KPNB1: variants seen among roughly 807,000 people sequenced by gnomAD.
The protein encoded by KPNB1 is karyopherin subunit beta 1, also known as importin subunit beta-1.
Under a neutral mutation model 113.0 loss-of-function variants are expected in KPNB1, and 7 were observed. That is an observed-to-expected ratio of 0.06 (90% CI 0.04 to 0.12). The LOEUF (loss-of-function observed/expected upper bound fraction) is 0.12, where lower values mean the gene tolerates loss of function less well. Ranked by LOEUF, KPNB1 falls within the 10% of genes least tolerant of loss-of-function variation. KPNB1 has a pLI of 1.00. For missense variants in KPNB1, 400 were observed against 1,054.8 expected, an observed-to-expected ratio of 0.38 and a Z score of 8.60; for synonymous variants, 363 against 378.6, an observed-to-expected ratio of 0.96 and a Z score of 0.48.
intron 2 of KPNB1, among the ~76,000 whole-genome samples, chr17:47,652,376 C>T (rs1031789332): frequency 6.6e-6 from 1 of 152,192 alleles, no homozygotes; most frequent in African/African-American, 2.4e-5. Context: ...TACTACCATA[C>T]TCTGAAACCT....
At chr17:47,672,890 G>A in intron 12 of KPNB1, 128 bp from the exon 13 acceptor site, 2 of 741,472 alleles carry the variant, frequency 2.7e-6, no homozygotes, top group Non-Finnish European at 4.2e-6. Context: ...TGGATATTGT[G>A]TTTTCAAACT....
rs2030861937 is a variant in KPNB1, at chr17:47,683,597, T to A, written c.*1193T>A. On this transcript the variant is annotated 3_prime_UTR_variant, in exon 22 of 22. Coordinates refer to ENST00000290158, the MANE Select transcript of KPNB1 (RefSeq NM_002265.6). ...ATTTTGGATTGCAAACAGGATAAAT[T>A]AAATGTTCAAACAATCTGATAAAAT... 6.6e-6 allele frequency: 1 copy of A among 152,272 alleles called. No homozygotes were observed. The highest frequency in any genetic ancestry group is 1.5e-5 in the Non-Finnish European group (1 of 67,954). The allele number at this position is 152,272 out of a possible 1,614,324, so 9.4% of individuals were successfully genotyped here.
Position 47,661,064 on chromosome 17 carries a change from T to C in KPNB1, c.637-55T>C, listed in dbSNP as rs149818432. Reference sequence around the variant, plus strand: ...TCCTTGTAGAGGGAGTCTGGAAATCTTCCTACGTACAGGTTATGCTCTCCT... The same window carrying C: ...TCCTTGTAGAGGGAGTCTGGAAATCCTCCTACGTACAGGTTATGCTCTCCT... On this transcript the variant is annotated intron_variant, in intron 5 of 21. Transcript: ENST00000290158. 2.3e-4 allele frequency: 323 copies of C among 1,412,980 alleles called. No individual in the cohort carries two copies. The East Asian group carries it at 6.6e-3, about 29-fold the overall frequency. 87.5% of individuals were successfully genotyped at this position (1,412,980 alleles called of 1,614,324 possible). A position where few individuals can be genotyped will look rare whatever the true frequency, so the allele number is the denominator to read the frequency against.
At chr17:47,667,418 C>T (rs1443227368) in intron 9 of KPNB1, among the ~76,000 whole-genome samples, 1 of 151,876 alleles carries the variant, frequency 6.6e-6, no homozygotes, top group Non-Finnish European at 1.5e-5. Context: ...TGAGCCACTG[C>T]ACTGCACCTT....
intron 6 of KPNB1, among the ~76,000 whole-genome samples, chr17:47,662,870 C>CG (rs1390179894): frequency 6.6e-6 from 1 of 151,592 alleles, no homozygotes; most frequent in African/African-American, 2.4e-5. Context: ...GCAACAGGAG[C>CG]GGAACTCTGT....
intron 15 of KPNB1, among the ~76,000 whole-genome samples, chr17:47,675,361 G>GTGTTT (rs2030566872): frequency 2.3e-5 from 2 of 88,692 alleles, no homozygotes; most frequent in Non-Finnish European, 4.6e-5. Context: ...CAGAGGTGTT[G>GTGTTT]TTTTTTTTTT....
At chr17:47,675,791 C>G (rs988835258) in intron 15 of KPNB1, among the ~76,000 whole-genome samples, 1 of 152,056 alleles carries the variant, frequency 6.6e-6, no homozygotes, top group South Asian at 2.1e-4. Context: ...TCAGGGGTGG[C>G]CTGTAAGTAC....
chr17:47,652,637 C>G, intron 2 of KPNB1, 57 bp from the exon 3 acceptor site: 1 of 1,391,790 alleles, frequency 7.2e-7, no homozygotes, highest in Non-Finnish European at 9.6e-7. Context: ...ATAAATTATC[C>G]TCAGTTGTGG....
chr17:47,649,937 TCTCA>T lies in KPNB1; in HGVS notation c.-302_-299del, dbSNP rs1915475310. ...CCTCGCTCCCTCCCTGCGCGCCGCC[TCTCA>T]CTCACAGCCTCCCTTCCTTCTTTCT... On this transcript the variant is annotated 5_prime_UTR_variant, in exon 1 of 22. Transcript: ENST00000290158. 4 of 1,282,920 alleles carry T rather than the reference TCTCA, an allele frequency of 3.1e-6. No individual in the cohort carries two copies. The highest frequency in any genetic ancestry group is 2.0e-6 in the Non-Finnish European group (2 of 1,016,270). The allele number at this position is 1,282,920 out of a possible 1,614,324, so 79.5% of individuals were successfully genotyped here. A position where few individuals can be genotyped will look rare whatever the true frequency, so the allele number is the denominator to read the frequency against.
intron 7 of KPNB1, 142 bp downstream of exon 7, chr17:47,663,320 C>T (rs1466447465): frequency 2.2e-5 from 13 of 584,630 alleles, no homozygotes; most frequent in Middle Eastern, 4.0e-4. Context: ...GGTTTAAGCT[C>T]ATCAGTGGTG....
chr17:47,663,024 T>G (rs918011786), intron 6 of KPNB1, 65 bp from the exon 7 acceptor site: 2 of 855,106 alleles, frequency 2.3e-6, no homozygotes, highest in Non-Finnish European at 4.1e-6. Context: ...CCCATTTGAG[T>G]GAATCTAACT....
rs199518298 is a variant in KPNB1 at position 47,657,054 on chromosome 17, A to G, written c.477A>G (p.Gln159=). Reference sequence around the variant, plus strand: ...TGGAAGCCATCGGTTATATTTGCCAAGATATAGTAAGTGCTTGCCTAATGT... The same window carrying G: ...TGGAAGCCATCGGTTATATTTGCCAGGATATAGTAAGTGCTTGCCTAATGT... The part of the protein sequence containing the change: ...STLEAIGYIC[Q]DIDPEQLQDK... The change falls in exon 4 of 22, where the codon CAA becomes CAG. Residue 159 remains glutamine, a synonymous_variant. Coordinates refer to ENST00000290158, the MANE Select transcript of KPNB1 (RefSeq NM_002265.6). The G allele has an allele frequency of 6.2e-7, 1 of 1,613,714 alleles. No individual in the cohort carries two copies. The highest frequency in any genetic ancestry group is 8.5e-7 in the Non-Finnish European group (1 of 1,179,764).
At chr17:47,675,972 T>G (rs1273835541) in intron 15 of KPNB1, among the ~76,000 whole-genome samples, 2 of 152,204 alleles carry the variant, frequency 1.3e-5, no homozygotes, top group Non-Finnish European at 2.9e-5. Flanking sequence ...CCAGTGCTGC[T>G]TTTCCTGGCT....
At chr17:47,661,723 G>A (rs533587657) in intron 6 of KPNB1, among the ~76,000 whole-genome samples, 22 of 152,316 alleles carry the variant, frequency 1.4e-4, no homozygotes, top group Non-Finnish European at 2.8e-4. Context: ...GGCCAAAGCA[G>A]GAGGATCACT....
chr17:47,650,978 C>G (rs930807587), intron 2 of KPNB1, among the ~76,000 whole-genome samples: 2 of 152,162 alleles, frequency 1.3e-5, no homozygotes, highest in Admixed American at 1.3e-4. Flanking sequence ...GCCTCTTAAC[C>G]CATTTCCACT....
chr17:47,660,986 C>G (rs1039391821), intron 5 of KPNB1, 133 bp from the exon 6 acceptor site: 1 of 693,210 alleles, frequency 1.4e-6, no homozygotes, highest in African/African-American at 1.8e-5. Context: ...GGGAGAGTGG[C>G]TTGATTGTAC....
intron 21 of KPNB1, 117 bp downstream of exon 21, chr17:47,680,786 C>G (rs2030747973): frequency 9.7e-7 from 1 of 1,025,948 alleles, no homozygotes; most frequent in East Asian, 2.6e-5. Flanking sequence ...TGTACTTTTT[C>G]CCATGTAGGT....
intron 7 of KPNB1, among the ~76,000 whole-genome samples, chr17:47,663,816 C>T (rs2030182606): frequency 6.6e-6 from 1 of 151,690 alleles, no homozygotes; most frequent in African/African-American, 2.4e-5. Context: ...GAAACCCCGC[C>T]TCTACAAAAA....
intron 14 of KPNB1, chr17:47,673,972 T>G (rs1176435535): frequency 6.2e-6 from 1 of 160,546 alleles, no homozygotes; most frequent in Admixed American, 6.2e-5. Context: ...ATGGTTTTGG[T>G]TTTTTTATTT....
Sources: allele counts gnomAD v4.1 joint callset (sites outside exome capture counted in the v4.1 genomes callset), GRCh38; gene constraint gnomAD v4.1.1; transcripts MANE v1.5; gene names NCBI Gene and HGNC (gene_info 2026-07-23, HGNC 2026-07-21).